Variants in BCAS3 observed in about 807,000 individuals in gnomAD.
BCAS3 encodes BCAS4/BCAS3 fusion.
A neutral mutation model predicts 116.1 loss-of-function variants in BCAS3; 53 were observed. The observed-to-expected ratio is 0.46, with a 90% CI of 0.37 to 0.57. The LOEUF is 0.57. BCAS3 is among the 20% of genes least tolerant of loss of function. The pLI is 0.00. For synonymous variants in BCAS3, 391 were observed against 408.2 expected (o/e 0.96, Z 0.51); for missense variants, 917 against 1,165.4 (o/e 0.79, Z 3.10).
chr17:61,049,348 G>C (rs763423676), intron 19 of BCAS3, among the ~76,000 whole-genome samples: 5 of 151,830 alleles, frequency 3.3e-5, no homozygotes, highest in Non-Finnish European at 7.4e-5. Flanking sequence ...GAAAAGATTA[G>C]TGAACTTGAA....
chr17:61,370,446 T>C (rs2058987930), intron 23 of BCAS3, among the ~76,000 whole-genome samples: 1 of 152,186 alleles, frequency 6.6e-6, no homozygotes, highest in Non-Finnish European at 1.5e-5. Context: ...TGGAGTGCTA[T>C]GGCACAATCT....
intron 7 of BCAS3, among the ~76,000 whole-genome samples, chr17:60,866,281 A>T (rs1246553368): frequency 6.6e-6 from 1 of 151,892 alleles, no homozygotes; most frequent in Non-Finnish European, 1.5e-5. Flanking sequence ...TGCTTGCACC[A>T]CCACCCCTGG....
intron 22 of BCAS3, among the ~76,000 whole-genome samples, chr17:61,091,234 G>A (rs1329320889): frequency 1.3e-5 from 2 of 152,190 alleles, no homozygotes; most frequent in Non-Finnish European, 2.9e-5. Context: ...TTTTGAGAGG[G>A]AATTGATGCA....
At chr17:61,036,359 G>A (rs547565570) in intron 17 of BCAS3, 43 of 152,236 alleles carry the variant, frequency 2.8e-4, no homozygotes, top group African/African-American at 1.0e-3. Context: ...TTGGTAATGG[G>A]ATCTCACGCG....
In BCAS3 at chr17:60,791,237, T is replaced by A. The variant is rs114544349; in HGVS notation, c.404-16767T>A. ...ACTTAATTTTCAGTCTTAATTATTA[T>A]AATCACAGTTAAAAAGTATTAGTTA... On this transcript the variant is annotated intron_variant, in intron 6 of 23. Transcript: ENST00000407086. Among the ~76,000 whole-genome samples, 857 of 152,330 alleles carry A rather than the reference T, an allele frequency of 5.6e-3. 11 individuals carry two copies. The highest frequency in any genetic ancestry group is 0.02 in the African/African-American group (836 of 41,566).
intron 9 of BCAS3, 139 bp from the exon 10 acceptor site, chr17:60,889,555 GA>G (rs2056991655): frequency 1.5e-5 from 10 of 668,930 alleles, no homozygotes; most frequent in Admixed American, 5.4e-5. Context: ...ACAAAATAAT[GA>G]CTAGTGTTAC....
chr17:61,098,178 C>G lies in BCAS3; in HGVS notation c.2425+13614C>G, dbSNP rs1340916799. Among the ~76,000 whole-genome samples, 1 of 152,152 alleles carries G rather than the reference C, an allele frequency of 6.6e-6. No individual in the cohort carries two copies. The highest frequency in any genetic ancestry group is 2.4e-5 in the African/African-American group (1 of 41,436). On this transcript the variant is annotated intron_variant, in intron 22 of 23. Transcript: ENST00000407086. This position sits in a 1 kb window ranked among gnomAD's most constrained non-coding sequence, Gnocchi z 4.2. ...TGCATAGAGAGGTAATCAATATGGT[C>G]TAGAGTTCTTGACCTGAACCTGTAA...
intron 14 of BCAS3, among the ~76,000 whole-genome samples, chr17:60,968,850 G>A (rs1405999724): frequency 6.6e-6 from 1 of 152,116 alleles, no homozygotes; most frequent in Admixed American, 6.5e-5. Flanking sequence ...GTCTTGGCCT[G>A]TCCTCAGGGT....
At chr17:60,801,838 T>C (rs993950273) in intron 6 of BCAS3, among the ~76,000 whole-genome samples, 3 of 152,170 alleles carry the variant, frequency 2.0e-5, no homozygotes, top group Admixed American at 1.3e-4. Flanking sequence ...AATTATTTCA[T>C]GGGTGATTTT....
At chr17:60,987,188 ATG>A (rs1353606339) in intron 14 of BCAS3, 1 of 150,508 alleles carries the variant, frequency 6.6e-6, no homozygotes. Flanking sequence ...CCATTGGTGT[ATG>A]TGTCTGTTTT....
intron 4 of BCAS3, among the ~76,000 whole-genome samples, chr17:60,702,593 A>AT (rs893020116): frequency 4.9e-4 from 74 of 150,280 alleles, no homozygotes; most frequent in Admixed American, 1.3e-3. Context: ...AAGAAAAGGA[A>AT]TTTTTTTTTT....
At chr17:61,102,942 T>C (rs2074417373) in intron 22 of BCAS3, among the ~76,000 whole-genome samples, 1 of 152,136 alleles carries the variant, frequency 6.6e-6, no homozygotes. Flanking sequence ...ATGAGCATCC[T>C]AAGAAGATAG....
intron 20 of BCAS3, among the ~76,000 whole-genome samples, chr17:61,075,624 G>A (rs1421313586): frequency 6.6e-6 from 1 of 151,696 alleles, no homozygotes; most frequent in Admixed American, 6.6e-5. Context: ...CAGGAGCTTG[G>A]AATTTAAATA....
chr17:61,069,707 G>A (rs577953995), intron 19 of BCAS3: 26 of 544,008 alleles, frequency 4.8e-5, no homozygotes, highest in South Asian at 6.3e-5. Context: ...GCATGGTGGC[G>A]CACGCCTGTA....
At chr17:61,086,819 T>C (rs1017759156) in intron 22 of BCAS3, 56 of 985,308 alleles carry the variant, frequency 5.7e-5, no homozygotes, top group Non-Finnish European at 6.6e-5. Flanking sequence ...AATTGGACTT[T>C]TATGAGTAAT....
chr17:61,110,599 C>T (rs11079411), intron 22 of BCAS3, among the ~76,000 whole-genome samples: 123,961 of 137,316 alleles, frequency 0.9, 55,762 homozygotes, highest in Middle Eastern at 0.96. Flanking sequence ...CCTACGCCCA[C>T]GGAGTCTCGC....
intron 7 of BCAS3, among the ~76,000 whole-genome samples, chr17:60,860,385 A>G (rs930741437): frequency 2.6e-5 from 4 of 152,056 alleles, no homozygotes; most frequent in African/African-American, 9.7e-5. Context: ...TGTATATTAG[A>G]CCTTTGTCAG....
At chr17:60,730,223 A>T (rs1357469690) in intron 5 of BCAS3, among the ~76,000 whole-genome samples, 1 of 152,190 alleles carries the variant, frequency 6.6e-6, no homozygotes, top group Non-Finnish European at 1.5e-5. Context: ...TTGCCTTAAA[A>T]CACTCCTTTC....
chr17:61,069,676 A>G (rs947963451), intron 19 of BCAS3, among the ~76,000 whole-genome samples: 6 of 151,946 alleles, frequency 3.9e-5, no homozygotes, highest in African/African-American at 1.2e-4. Flanking sequence ...CGTCTCTACT[A>G]AAAATACAAA....
Sources: allele counts gnomAD v4.1 joint callset (sites outside exome capture counted in the v4.1 genomes callset), GRCh38; gene constraint gnomAD v4.1.1; non-coding constraint Gnocchi (gnomAD v3.1); transcripts MANE v1.5; gene names NCBI Gene and HGNC (gene_info 2026-07-23, HGNC 2026-07-21).